Variants in CUZD1 observed in about 807,000 individuals in gnomAD.
The protein encoded by CUZD1 is CUB and zona pellucida like domains 1.
In CUZD1, 42 loss-of-function variants were observed where a neutral mutation model predicts 53.1. The ratio of observed to expected loss-of-function variants is 0.79; its 90% CI spans 0.62 to 1.02. CUZD1 has a LOEUF of 1.02. CUZD1 is among the 50% of genes least tolerant of loss of function. The pLI, the probability that CUZD1 is intolerant of heterozygous loss-of-function variation, is 0.00. For missense variants in CUZD1, 670 were observed against 715.7 expected, an observed-to-expected ratio of 0.94 and a Z score of 0.73; for synonymous variants, 238 against 257.2, an observed-to-expected ratio of 0.93 and a Z score of 0.71.
rs1427750824 is a variant in CUZD1, at chr10:122,845,828, T to C, written c.16A>G (p.Arg6Gly). Residue 6 changes from arginine (R) to glycine (G), a missense_variant, in exon 1 of 9, where the codon AGG becomes GGG. By Grantham distance (125) the Arg-to-Gly change is moderately radical (BLOSUM62 -2). Coordinates refer to ENST00000392790, the MANE Select transcript of CUZD1 (RefSeq NM_022034.6). MELVR[R>G]LMPLTLLILS... ...ATTAAGAGGGTCAATGGCATGAGCC[T>C]TCTTACAAGCTCCATTTTGGCAAGG... is the stretch of plus-strand genomic sequence containing the variant. The C allele has an allele frequency of 6.2e-7, 1 of 1,614,008 alleles. No individual in the cohort carries two copies. The highest frequency in any genetic ancestry group is 2.2e-5 in the East Asian group (1 of 44,886).
chr10:122,832,665 G>C (rs1418289376), intron 8 of CUZD1, among the ~76,000 whole-genome samples: 1 of 151,604 alleles, frequency 6.6e-6, no homozygotes, highest in Admixed American at 6.6e-5. Context: ...TTGTTGACTT[G>C]GTTTGATTTC....
At chr10:122,835,380 C>A (rs921071693) in intron 6 of CUZD1, among the ~76,000 whole-genome samples, 1 of 152,146 alleles carries the variant, frequency 6.6e-6, no homozygotes, top group Non-Finnish European at 1.5e-5. Flanking sequence ...AATTTCCAGT[C>A]TTAAAAAGAC....
intron 4 of CUZD1, 107 bp downstream of exon 4, chr10:122,837,297 G>A: frequency 8.7e-7 from 1 of 1,153,304 alleles, no homozygotes; most frequent in Non-Finnish European, 1.3e-6. Flanking sequence ...TCTTTGAAAA[G>A]TGCCCATATA....
intron 5 of CUZD1, 106 bp downstream of exon 5, chr10:122,836,725 C>T: frequency 1.2e-6 from 1 of 819,848 alleles, no homozygotes; most frequent in Non-Finnish European, 2.0e-6. Context: ...CTACATGTGA[C>T]ATGCTTGCAA....
intron 4 of CUZD1, 46 bp from the exon 5 acceptor site, chr10:122,837,094 A>T: frequency 7.4e-7 from 1 of 1,359,268 alleles, no homozygotes; most frequent in South Asian, 1.3e-5. Context: ...AAACCAATTC[A>T]ATTCTATTTT....
chr10:122,839,637 C>T (rs777991201), intron 2 of CUZD1, among the ~76,000 whole-genome samples: 2 of 152,160 alleles, frequency 1.3e-5, no homozygotes, highest in Non-Finnish European at 2.9e-5. Flanking sequence ...CTTCCATAGC[C>T]ACCTTTCCCA....
chr10:122,833,688 A>ACTT lies in CUZD1; in HGVS notation c.1632_1634dup (p.Arg544dup). On this transcript the variant is annotated inframe_insertion, in exon 8 of 9. Transcript: ENST00000392790. Reference sequence around the variant, plus strand: ...TTTTCTTACCTGAATTGCCACTTGCACTTCGATCCCTTTTCAGACGAATGG... The same window carrying ACTT: ...TTTTCTTACCTGAATTGCCACTTGCACTTCTTCGATCCCTTTTCAGACGAATGG... 6.2e-7 allele frequency: 1 copy of ACTT among 1,613,260 alleles called. No homozygotes were observed. The highest frequency in any genetic ancestry group is 8.5e-7 in the Non-Finnish European group (1 of 1,179,480).
Position 122,832,352 on chromosome 10 carries a change from C to A in CUZD1, c.1750G>T (p.Val584Leu), listed in dbSNP as rs762017332. The change falls in exon 9 of 9, where the codon GTA becomes TTA. Residue 584 changes from valine to leucine, a missense_variant. Val to Leu is a conservative substitution (Grantham distance 32). Coordinates refer to ENST00000392790, the MANE Select transcript of CUZD1 (RefSeq NM_022034.6). ...AAATGCCTCACTGTGATTGTCGCTA[C>A]AGTCACCACATTCAGAGCTAGAACC... is the stretch of plus-strand genomic sequence containing the variant. ...FMVLALNVVT[V>L]ATITVRHFVN... The A allele has an allele frequency of 3.7e-6, 6 of 1,614,020 alleles. No homozygotes were observed. Among genetic ancestry groups the A allele is most frequent in the Non-Finnish European group, 5.1e-6 (6 of 1,180,016 alleles).
At chr10:122,838,047 C>T (rs1847280433) in intron 3 of CUZD1, 1 of 153,814 alleles carries the variant, frequency 6.5e-6, no homozygotes, top group African/African-American at 2.4e-5. Context: ...CAAAGCTCAG[C>T]TCAGAAACAG....
At chr10:122,845,390 G>C (rs1013678364) in intron 1 of CUZD1, among the ~76,000 whole-genome samples, 2 of 151,648 alleles carry the variant, frequency 1.3e-5, no homozygotes, top group Non-Finnish European at 2.9e-5. Flanking sequence ...TTTTTTTTAA[G>C]TTGCAAAAAA....
chr10:122,839,248 A>G lies in CUZD1; in HGVS notation c.234-17T>C, dbSNP rs948953931. On this transcript the variant is annotated splice_polypyrimidine_tract_variant and intron_variant, in intron 2 of 8. Transcript: ENST00000392790. ...GGATCAAGCCTGTGGAAAAAACACAACTGTGGCTGAAGAAGTGTCACAAGC... is the reference window on the plus strand; with the variant it reads ...GGATCAAGCCTGTGGAAAAAACACAGCTGTGGCTGAAGAAGTGTCACAAGC... The G allele has an allele frequency of 6.2e-7, 1 of 1,610,552 alleles. No homozygotes were observed. Among genetic ancestry groups the G allele is most frequent in the Non-Finnish European group, 8.5e-7 (1 of 1,177,192 alleles).
At chr10:122,838,547 C>T (rs771728724) in intron 3 of CUZD1, among the ~76,000 whole-genome samples, 4 of 152,136 alleles carry the variant, frequency 2.6e-5, no homozygotes, top group African/African-American at 4.8e-5. Flanking sequence ...CAGAATCATC[C>T]GGGGGACTTG....
At chr10:122,841,427 T>G in intron 1 of CUZD1, 99 bp from the exon 2 acceptor site, 1 of 1,203,184 alleles carries the variant, frequency 8.3e-7, no homozygotes, top group Non-Finnish European at 1.1e-6. Context: ...TACATACAAG[T>G]AGGCAGCTAA....
chr10:122,840,536 C>T (rs1185297410), intron 2 of CUZD1, among the ~76,000 whole-genome samples: 1 of 152,106 alleles, frequency 6.6e-6, no homozygotes, highest in East Asian at 1.9e-4. Context: ...GGGGATTAGA[C>T]TGCATCTGCC....
chr10:122,834,175 G>A (rs762384325), intron 7 of CUZD1, among the ~76,000 whole-genome samples: 1 of 152,086 alleles, frequency 6.6e-6, no homozygotes, highest in African/African-American at 2.4e-5. Context: ...CAATACTTAC[G>A]TATTGGAAGT....
intron 1 of CUZD1, among the ~76,000 whole-genome samples, chr10:122,843,720 G>C (rs1847380862): frequency 6.6e-6 from 1 of 150,980 alleles, no homozygotes; most frequent in Non-Finnish European, 1.5e-5. Flanking sequence ...ACAGAAAGTA[G>C]AGTAGTGGTT....
intron 2 of CUZD1, among the ~76,000 whole-genome samples, chr10:122,839,938 C>T (rs1441465594): frequency 2.0e-5 from 3 of 152,218 alleles, no homozygotes; most frequent in Non-Finnish European, 4.4e-5. Context: ...GTTTTCTCAT[C>T]TGTAAAATGG....
rs1190464544 is a variant in CUZD1 at position 122,839,114 on chromosome 10, T to G, written c.351A>C (p.Glu117Asp). Residue 117 changes from glutamate to aspartate, a missense_variant, in exon 3 of 9, where the codon GAA (glutamate) becomes GAC (aspartate). Transcript: ENST00000392790. The stretch of plus-strand genomic sequence containing the variant: ...GAAACGTCAATGTACTGGATGATGA[T>G]TCAAATACAGGAACATAGTCGTTTT... ...CSKNDYVPVF[E>D]SSSSTLTFQI... The G allele has an allele frequency of 6.2e-7, 1 of 1,614,164 alleles. No homozygotes were observed. Among genetic ancestry groups the G allele is most frequent in the Non-Finnish European group, 8.5e-7 (1 of 1,179,976 alleles).
intron 3 of CUZD1, 39 bp from the exon 4 acceptor site, chr10:122,837,593 A>G: frequency 6.6e-7 from 1 of 1,517,650 alleles, no homozygotes; most frequent in Non-Finnish European, 8.8e-7. Flanking sequence ...TGAACATCAA[A>G]ATAGAGACTG....
Sources: allele counts gnomAD v4.1 joint callset (sites outside exome capture counted in the v4.1 genomes callset), GRCh38; gene constraint gnomAD v4.1.1; transcripts MANE v1.5; gene names NCBI Gene and HGNC (gene_info 2026-07-23, HGNC 2026-07-21).